TIPRL: variants seen among roughly 807,000 people sequenced by gnomAD.
TIPRL encodes the protein TOR signaling pathway regulator, also known as TIP41-like protein.
A neutral mutation model predicts 32.3 loss-of-function variants in TIPRL; 10 were observed. The observed-to-expected ratio is 0.31, with a 90% confidence interval of 0.19 to 0.52. The LOEUF is 0.52. TIPRL is among the 20% of genes least tolerant of loss of function. The pLI, the probability that TIPRL is intolerant of heterozygous loss-of-function variation, is 0.96. For synonymous variants in TIPRL, 100 were observed against 114.0 expected, an observed-to-expected ratio of 0.88 and a Z score of 0.78; for missense variants, 250 against 328.1, an observed-to-expected ratio of 0.76 and a Z score of 1.84.
chr1:168,193,744 A>C (rs940884105), intron 4 of TIPRL, among the ~76,000 whole-genome samples: 1 of 152,224 alleles, frequency 6.6e-6, no homozygotes, highest in African/African-American at 2.4e-5. Context: ...CAACTACTTT[A>C]AGCTGAAGTA....
chr1:168,182,423 C>T (rs921495200), intron 1 of TIPRL, among the ~76,000 whole-genome samples: 1 of 152,020 alleles, frequency 6.6e-6, no homozygotes, highest in Non-Finnish European at 1.5e-5. Context: ...GTCAGGAGTT[C>T]GAGACCAGCC....
intron 5 of TIPRL, among the ~76,000 whole-genome samples, chr1:168,197,907 A>G (rs1394295625): frequency 1.3e-5 from 2 of 152,192 alleles, no homozygotes; most frequent in Admixed American, 1.3e-4. Flanking sequence ...TTATATAATA[A>G]TCTACTAATA....
chr1:168,181,401 G>A (rs1699960962), intron 1 of TIPRL, among the ~76,000 whole-genome samples: 1 of 151,214 alleles, frequency 6.6e-6, no homozygotes. Flanking sequence ...AGTAGAGATG[G>A]GGTTTCACCA....
At chr1:168,189,759 CAT>C (rs1186187695) in intron 3 of TIPRL, among the ~76,000 whole-genome samples, 2 of 152,168 alleles carry the variant, frequency 1.3e-5, no homozygotes, top group Admixed American at 1.3e-4. Context: ...AAGTTTTAGA[CAT>C]ATTTAGCCTT....
At chr1:168,197,494 C>A (rs1379434393) in intron 5 of TIPRL, among the ~76,000 whole-genome samples, 1 of 151,906 alleles carries the variant, frequency 6.6e-6, no homozygotes. Context: ...TTTTGTTCCC[C>A]AGAAAGAGAA....
Position 168,196,275 on chromosome 1 carries a change from G to T in TIPRL, c.517-272G>T, listed in dbSNP as rs571631425. ...ACATTATAATTTTTACATTACTTGG[G>T]TATGTTTTTAAGTCTTTTAAACCTC... On this transcript the variant is annotated intron_variant, in intron 4 of 6. Coordinates refer to ENST00000367833, the MANE Select transcript of TIPRL (RefSeq NM_152902.5). 2.0e-5 allele frequency among the ~76,000 whole-genome samples: 3 copies of T among 152,162 alleles called. No individual in the cohort carries two copies. In the South Asian group the frequency reaches 6.2e-4, roughly 32 times the overall value.
intron 4 of TIPRL, chr1:168,192,169 G>T: frequency 6.8e-7 from 1 of 1,467,558 alleles, no homozygotes; most frequent in Non-Finnish European, 9.1e-7. Context: ...CATGTGTTAT[G>T]ATTTCAGTGC....
chr1:168,182,106 C>G (rs1386265662), intron 1 of TIPRL, among the ~76,000 whole-genome samples: 1 of 150,472 alleles, frequency 6.6e-6, no homozygotes, highest in Non-Finnish European at 1.5e-5. Flanking sequence ...TTTTATATGA[C>G]AAAAGGAAGA....
intron 4 of TIPRL, among the ~76,000 whole-genome samples, chr1:168,192,561 G>A (rs537158981): frequency 8.3e-4 from 126 of 152,176 alleles, no homozygotes; most frequent in Non-Finnish European, 1.6e-3. Flanking sequence ...TCACAACTCC[G>A]TTACACAGAG....
chr1:168,183,917 A>G lies in TIPRL; in HGVS notation c.120A>G (p.Leu40=), dbSNP rs1271558178. 1 of 1,613,736 alleles carries G rather than the reference A, an allele frequency of 6.2e-7. No homozygotes were observed. Among genetic ancestry groups the G allele is most frequent in the Non-Finnish European group, 8.5e-7 (1 of 1,179,754 alleles). Residue 40 remains leucine, a synonymous_variant, in exon 2 of 7, where the codon TTA becomes TTG. Coordinates refer to ENST00000367833, the MANE Select transcript of TIPRL (RefSeq NM_152902.5). ...SADVEKLADE[L]HMPSLPEMMF... is the part of the protein sequence containing the mutation. ...TTACGTATAGATTAGCCGATGAATTACATATGCCATCTCTCCCTGAAATGA... is the reference window on the plus strand; with the variant it reads ...TTACGTATAGATTAGCCGATGAATTGCATATGCCATCTCTCCCTGAAATGA...
chr1:168,179,972 T>A (rs1283384394), intron 1 of TIPRL, among the ~76,000 whole-genome samples: 1 of 152,026 alleles, frequency 6.6e-6, no homozygotes, highest in African/African-American at 2.4e-5. Context: ...TTGTGAGAGA[T>A]GAGAGGTAGG....
At chr1:168,193,591 G>T (rs371266125) in intron 4 of TIPRL, among the ~76,000 whole-genome samples, 1 of 152,100 alleles carries the variant, frequency 6.6e-6, no homozygotes, top group South Asian at 2.1e-4. Context: ...ATCCAAGGGG[G>T]TATATATATC....
chr1:168,191,434 TGAA>T lies in TIPRL; in HGVS notation c.455_457del (p.Glu152del). The T allele has an allele frequency of 6.5e-7, 1 of 1,535,846 alleles. No homozygotes were observed. Among genetic ancestry groups the T allele is most frequent in the South Asian group, 1.3e-5 (1 of 75,674 alleles). ...AAGCCAGAGAACAGATTAAGTTTTT[TGAA>T]GAAGTTCTCCTTTTTGAGGATGAAC... On this transcript the variant is annotated inframe_deletion, in exon 4 of 7. Coordinates refer to ENST00000367833, the MANE Select transcript of TIPRL (RefSeq NM_152902.5).
chr1:168,181,285 T>C (rs1699959161), intron 1 of TIPRL, among the ~76,000 whole-genome samples: 1 of 151,978 alleles, frequency 6.6e-6, no homozygotes, highest in Non-Finnish European at 1.5e-5. Context: ...CCATCTCGGC[T>C]CACTGTAACC....
At chr1:168,199,062 C>T (rs1700184424) in intron 6 of TIPRL, 81 bp downstream of exon 6, 1 of 1,078,010 alleles carries the variant, frequency 9.3e-7, no homozygotes, top group Non-Finnish European at 1.4e-6. Flanking sequence ...CTGACCCCAA[C>T]CACCCAAGTT....
chr1:168,199,469 T>C (rs1196982925), intron 6 of TIPRL, among the ~76,000 whole-genome samples: 2 of 152,206 alleles, frequency 1.3e-5, no homozygotes, highest in African/African-American at 2.4e-5. Flanking sequence ...GCTTAAAAAT[T>C]GGTACCTTCC....
chr1:168,183,862 C>T (rs780317232), intron 1 of TIPRL, 40 bp from the exon 2 acceptor site: 5 of 1,580,434 alleles, frequency 3.2e-6, no homozygotes, highest in Admixed American at 3.4e-5. Context: ...ATGCCAACAG[C>T]GATATAAAAT....
At chr1:168,189,047 A>G (rs1392193785) in intron 3 of TIPRL, among the ~76,000 whole-genome samples, 1 of 151,644 alleles carries the variant, frequency 6.6e-6, no homozygotes, top group Non-Finnish European at 1.5e-5. Context: ...ATTTGGGAGG[A>G]AGCAGGAAAT....
intron 5 of TIPRL, among the ~76,000 whole-genome samples, chr1:168,197,542 TG>T (rs1378512036): frequency 6.6e-6 from 1 of 152,170 alleles, no homozygotes; most frequent in Non-Finnish European, 1.5e-5. Context: ...TTGAGATGGA[TG>T]GAGTCTTGCT....
Sources: allele counts gnomAD v4.1 joint callset (sites outside exome capture counted in the v4.1 genomes callset), GRCh38; gene constraint gnomAD v4.1.1; transcripts MANE v1.5; gene names NCBI Gene and HGNC (gene_info 2026-07-23, HGNC 2026-07-21).